CTNND1: variants seen among roughly 807,000 people sequenced by gnomAD.
CTNND1 encodes the protein catenin delta-1.
CTNND1 carries 16 observed loss-of-function variants against 112.1 expected under a neutral mutation model. The observed-to-expected ratio is 0.14, with a 90% confidence interval of 0.10 to 0.22. The LOEUF (loss-of-function observed/expected upper bound fraction) is 0.22. CTNND1 is among the 10% of genes least tolerant of loss of function. The probability of loss-of-function intolerance (pLI) is 1.00; values close to 1 mark genes in which losing one functional copy is unlikely to be tolerated. For missense variants in CTNND1, 1,008 were observed against 1,257.0 expected, an observed-to-expected ratio of 0.80 and a Z score of 3.00; for synonymous variants, 420 against 446.5, an observed-to-expected ratio of 0.94 and a Z score of 0.75.
intron 1 of CTNND1, chr11:57,764,174 C>T (rs779946495): frequency 6.6e-6 from 1 of 151,922 alleles, no homozygotes; most frequent in Admixed American, 6.6e-5. Flanking sequence ...TTGTTTGCCT[C>T]CTATGTACGG....
intron 1 of CTNND1, chr11:57,763,921 C>G (rs76237474): frequency 6.6e-6 from 1 of 152,300 alleles, no homozygotes; most frequent in African/African-American, 2.4e-5. Flanking sequence ...TCCTAGTTAA[C>G]CTAGTGTCCA....
intron 1 of CTNND1, among the ~76,000 whole-genome samples, chr11:57,786,038 G>GA (rs1289004111): frequency 1.3e-5 from 2 of 152,072 alleles, no homozygotes; most frequent in African/African-American, 2.4e-5. Flanking sequence ...GTAATAGCAG[G>GA]AATATCTTTC....
At chr11:57,783,544 A>C (rs1411913115) in intron 1 of CTNND1, among the ~76,000 whole-genome samples, 2 of 152,062 alleles carry the variant, frequency 1.3e-5, no homozygotes, top group African/African-American at 2.4e-5. Flanking sequence ...CTGTGGTCCC[A>C]GCTACTGGGG....
Position 57,796,915 on chromosome 11 carries a change from C to T in CTNND1, c.879C>T (p.Asp293=), listed in dbSNP as rs753444751. The change falls in exon 6 of 21, where the codon GAC becomes GAT. Residue 293 remains aspartate (D), a synonymous_variant. Coordinates refer to ENST00000399050, the MANE Select transcript of CTNND1 (RefSeq NM_001085458.2). ...EDDQRSMGYD[D]LDYGMMSDYG... is the part of the protein sequence containing the mutation. ...ACCAGCGTAGTATGGGCTATGATGA[C>T]CTGGATTATGGTATGATGTCTGATT... 1 of 1,588,938 alleles carries T rather than the reference C, an allele frequency of 6.3e-7. No homozygotes were observed. The highest frequency in any genetic ancestry group is 8.6e-7 in the Non-Finnish European group (1 of 1,163,806).
chr11:57,811,177 A>G lies in CTNND1; in HGVS notation c.2551-222A>G, dbSNP rs75796177. On this transcript the variant is annotated intron_variant, in intron 16 of 20. Coordinates refer to ENST00000399050, the MANE Select transcript of CTNND1 (RefSeq NM_001085458.2). ...CTCTGAAACTGTATTTTCTTCTGATAGTGTCAATATTTGGATCCTTTGTAA... is the reference window on the plus strand; with the variant it reads ...CTCTGAAACTGTATTTTCTTCTGATGGTGTCAATATTTGGATCCTTTGTAA... Among the ~76,000 whole-genome samples, 609 of 152,244 alleles carry G rather than the reference A, an allele frequency of 4.0e-3. 3 individuals are homozygous for G. The highest frequency in any genetic ancestry group is 0.014 in the African/African-American group (588 of 41,526).
intron 9 of CTNND1, 40 bp downstream of exon 9, chr11:57,804,820 T>C: frequency 4.9e-6 from 7 of 1,434,264 alleles, no homozygotes; most frequent in Non-Finnish European, 5.9e-6. Flanking sequence ...GTGAATTTCA[T>C]TCACCACAAC....
rs760465020 is a variant in CTNND1 at position 57,796,476 on chromosome 11, C to G, written c.440C>G (p.Thr147Ser). 13 of 1,602,888 alleles carry G rather than the reference C, an allele frequency of 8.1e-6. No homozygotes were observed. ...TETTVKKVVK[T>S]VTTRTVQPVA... is the part of the protein sequence containing the mutation. ...TTGCAGGTCAAGAAAGTAGTGAAGA[C>G]TGTGACAACACGGACAGTACAGCCA... is the stretch of plus-strand genomic sequence containing the variant. The change falls in exon 6 of 21, where the codon ACT becomes AGT. Residue 147 changes from threonine to serine, a missense_variant. Thr to Ser is a moderately conservative substitution (Grantham distance 58, BLOSUM62 1). This residue lies in a region of CTNND1 where 404 missense variants were observed against 457.9 expected (regional missense o/e 0.88). Coordinates refer to ENST00000399050, the MANE Select transcript of CTNND1 (RefSeq NM_001085458.2).
At chr11:57,809,938 T>C (rs2063135510) in intron 15 of CTNND1, among the ~76,000 whole-genome samples, 171 bp from the exon 16 acceptor site, 1 of 152,168 alleles carries the variant, frequency 6.6e-6, no homozygotes, top group East Asian at 1.9e-4. Context: ...CTCCATCTCC[T>C]GACCTCAGGT....
chr11:57,808,077 G>T, intron 12 of CTNND1, 88 bp from the exon 13 acceptor site: 1 of 1,401,732 alleles, frequency 7.1e-7, no homozygotes, highest in South Asian at 1.4e-5. Context: ...TCCATCAACT[G>T]AGAGTACTAA....
chr11:57,766,876 T>A (rs1951194901), intron 1 of CTNND1, among the ~76,000 whole-genome samples: 1 of 152,178 alleles, frequency 6.6e-6, no homozygotes, highest in South Asian at 2.1e-4. Context: ...TAGGGCCACT[T>A]CTTCTCCAGT....
At chr11:57,793,871 T>C (rs551814036) in intron 3 of CTNND1, 139 bp from the exon 4 acceptor site, 1 of 743,652 alleles carries the variant, frequency 1.3e-6, no homozygotes, top group Non-Finnish European at 2.2e-6. Flanking sequence ...ATGGTTCTTT[T>C]ATGAGTACTG....
At position 57,808,548 on chromosome 11, in the gene CTNND1, G is replaced by A. The variant is rs200244061; in HGVS notation, c.2242+8G>A. 7.6e-6 allele frequency: 12 copies of A among 1,582,998 alleles called. No homozygotes were observed. Among genetic ancestry groups the A allele is most frequent in the Non-Finnish European group, 9.4e-6 (11 of 1,167,528 alleles). The stretch of plus-strand genomic sequence containing the variant: ...GCAACAAAGAATTAATTGGTGAGGA[G>A]TTGAATGCTAACTGTTACCTCAAAA... On this transcript the variant is annotated splice_region_variant and intron_variant, in intron 14 of 20. Coordinates refer to ENST00000399050, the MANE Select transcript of CTNND1 (RefSeq NM_001085458.2).
intron 3 of CTNND1, among the ~76,000 whole-genome samples, chr11:57,793,003 A>G (rs1457921210): frequency 6.6e-6 from 1 of 152,144 alleles, no homozygotes; most frequent in Non-Finnish European, 1.5e-5. Context: ...GGATGAAATT[A>G]TATTGAAAGG....
At chr11:57,812,807 A>T (rs1291482195) in intron 17 of CTNND1, among the ~76,000 whole-genome samples, 1 of 152,178 alleles carries the variant, frequency 6.6e-6, no homozygotes, top group Non-Finnish European at 1.5e-5. Flanking sequence ...CAGCCACACT[A>T]GCCACTTTGT....
At chr11:57,794,194 A>G (rs2061087562) in intron 4 of CTNND1, 113 bp downstream of exon 4, 1 of 853,360 alleles carries the variant, frequency 1.2e-6, no homozygotes, top group East Asian at 2.5e-5. Flanking sequence ...CATACTCGTC[A>G]ATTAGTTTCT....
intron 17 of CTNND1, among the ~76,000 whole-genome samples, chr11:57,812,307 G>T (rs1458947683): frequency 6.6e-6 from 1 of 152,116 alleles, no homozygotes; most frequent in Non-Finnish European, 1.5e-5. Context: ...ATCACCTGAG[G>T]TCAGGAGTTC....
chr11:57,804,186 C>CA (rs764857853), intron 8 of CTNND1, among the ~76,000 whole-genome samples: 61 of 152,276 alleles, frequency 4.0e-4, no homozygotes, highest in Admixed American at 1.5e-3. Context: ...AAAAGGGGTA[C>CA]AGAGTACTAG....
chr11:57,803,864 T>G, intron 8 of CTNND1, 60 bp downstream of exon 8: 1 of 900,412 alleles, frequency 1.1e-6, no homozygotes, highest in Non-Finnish European at 1.5e-6. Flanking sequence ...TTAAATTTCC[T>G]AAAAAAAAAA....
chr11:57,813,567 T>C (rs1266731796), intron 17 of CTNND1, among the ~76,000 whole-genome samples: 1 of 152,190 alleles, frequency 6.6e-6, no homozygotes, highest in Non-Finnish European at 1.5e-5. Context: ...TGATTGTTAA[T>C]TATAGATTCC....
Sources: allele counts gnomAD v4.1 joint callset (sites outside exome capture counted in the v4.1 genomes callset), GRCh38; gene constraint gnomAD v4.1.1; regional missense constraint gnomAD v4.1.1; transcripts MANE v1.5; gene names NCBI Gene and HGNC (gene_info 2026-07-23, HGNC 2026-07-21).